Variants in PARG observed in about 807,000 individuals in gnomAD.
PARG encodes mitochondrial poly(ADP-ribose) glycohydrolase.
Under a neutral mutation model 113.0 loss-of-function variants are expected in PARG, and 35 were observed. That is an observed-to-expected ratio of 0.31 (90% CI 0.24 to 0.41). The LOEUF is 0.41. Ranked by LOEUF, PARG falls within the 10% of genes least tolerant of loss-of-function variation. The pLI, the probability that PARG is intolerant of heterozygous loss-of-function variation, is 1.00. For missense variants in PARG, 797 were observed against 1,169.4 expected, an observed-to-expected ratio of 0.68 and a Z score of 4.64; for synonymous variants, 330 against 409.9, an observed-to-expected ratio of 0.81 and a Z score of 2.36.
At chr10:49,822,391 T>G (rs929841706) in intron 16 of PARG, among the ~76,000 whole-genome samples, 3 of 152,196 alleles carry the variant, frequency 2.0e-5, no homozygotes, top group African/African-American at 4.8e-5. Flanking sequence ...TCTCAAGAAG[T>G]GCTTAATGCT....
At chr10:49,912,375 TAGTTTA>T (rs1837239551) in intron 7 of PARG, among the ~76,000 whole-genome samples, 1 of 151,448 alleles carries the variant, frequency 6.6e-6, no homozygotes, top group South Asian at 2.1e-4. Context: ...TAAGAACCCT[TAGTTTA>T]AGGCCGAGCG....
chr10:49,907,595 C>T (rs1459711104), intron 7 of PARG, among the ~76,000 whole-genome samples: 2 of 152,096 alleles, frequency 1.3e-5, no homozygotes, highest in South Asian at 2.1e-4. Context: ...AAAAATACTA[C>T]AATAGTCCTT....
intron 15 of PARG, among the ~76,000 whole-genome samples, chr10:49,834,044 A>G (rs1345592493): frequency 6.6e-6 from 1 of 152,184 alleles, no homozygotes; most frequent in Non-Finnish European, 1.5e-5. Context: ...GTAAATCCTG[A>G]CAGATATTAA....
chr10:49,856,111 A>C (rs1845972213), intron 13 of PARG, among the ~76,000 whole-genome samples: 1 of 151,778 alleles, frequency 6.6e-6, no homozygotes, highest in East Asian at 1.9e-4. Flanking sequence ...CACGTGACTA[A>C]ATTTCCCCCC....
At chr10:49,865,964 A>G (rs1321602494) in intron 10 of PARG, among the ~76,000 whole-genome samples, 2 of 148,380 alleles carry the variant, frequency 1.3e-5, no homozygotes, top group African/African-American at 5.0e-5. Flanking sequence ...CAATCACTCT[A>G]CTTGTTAGTA....
chr10:49,862,821 G>A (rs1846318491), intron 11 of PARG, among the ~76,000 whole-genome samples: 1 of 151,948 alleles, frequency 6.6e-6, no homozygotes, highest in African/African-American at 2.4e-5. Flanking sequence ...AGTATCGTAA[G>A]TTTGATATAT....
chr10:49,887,318 T>C (rs1847543778), intron 7 of PARG, among the ~76,000 whole-genome samples: 1 of 152,202 alleles, frequency 6.6e-6, no homozygotes, highest in Admixed American at 6.5e-5. Flanking sequence ...TATAACATAC[T>C]AAAAACCAGG....
At position 49,933,756 on chromosome 10, in the gene PARG, G is replaced by A; in HGVS notation, c.692C>T (p.Ala231Val). Reference sequence around the variant, plus strand: ...CTTGCTGCACTTCTGGTGGCTTTTGGCTTCTCTGGCCTGTTCATCTTCTGT... The same window carrying A: ...CTTGCTGCACTTCTGGTGGCTTTTGACTTCTCTGGCCTGTTCATCTTCTGT... ...QTTEDEQAREAKSHQKCSKSC... is the reference protein window; with the variant it reads ...QTTEDEQAREVKSHQKCSKSC... Residue 231 changes from alanine to valine, a missense_variant, in exon 3 of 18, where the codon GCC becomes GTC. This residue lies in a region of PARG where 284 missense variants were observed against 306.1 expected (regional missense o/e 0.93). Transcript: ENST00000616448. 1.9e-6 allele frequency: 3 copies of A among 1,613,300 alleles called. No individual in the cohort carries two copies. The highest frequency in any genetic ancestry group is 1.7e-6 in the Non-Finnish European group (2 of 1,179,358).
intron 15 of PARG, among the ~76,000 whole-genome samples, chr10:49,837,659 T>C (rs1845010522): frequency 6.6e-6 from 1 of 152,236 alleles, no homozygotes; most frequent in South Asian, 2.1e-4. Context: ...TCTGATTAAG[T>C]TGCCAATGAC....
At chr10:49,892,371 G>C (rs1301506296) in intron 7 of PARG, among the ~76,000 whole-genome samples, 1 of 152,062 alleles carries the variant, frequency 6.6e-6, no homozygotes, top group African/African-American at 2.4e-5. Context: ...CTTCTTCTGA[G>C]AACTTAGGTG....
At chr10:49,910,884 C>T (rs1279529387) in intron 7 of PARG, among the ~76,000 whole-genome samples, 2 of 151,990 alleles carry the variant, frequency 1.3e-5, no homozygotes, top group African/African-American at 4.8e-5. Context: ...AAGAAACCCC[C>T]TTAAAAATAC....
intron 7 of PARG, among the ~76,000 whole-genome samples, chr10:49,912,289 G>A (rs1461455764): frequency 2.6e-5 from 4 of 152,102 alleles, no homozygotes; most frequent in Non-Finnish European, 4.4e-5. Context: ...AATAGAGTGA[G>A]ATACTGTCTC....
At chr10:49,820,015 T>G in intron 17 of PARG, 150 bp downstream of exon 17, 1 of 597,400 alleles carries the variant, frequency 1.7e-6, no homozygotes. Flanking sequence ...ACTCTGCAAA[T>G]GCTGCCCCTC....
chr10:49,854,430 T>C (rs1432494589), intron 13 of PARG, among the ~76,000 whole-genome samples: 2 of 152,276 alleles, frequency 1.3e-5, no homozygotes, highest in East Asian at 3.9e-4. Context: ...GGGCAAACAA[T>C]AGGCTAACCA....
intron 7 of PARG, among the ~76,000 whole-genome samples, chr10:49,908,115 C>CT: frequency 6.6e-6 from 1 of 152,276 alleles, no homozygotes; most frequent in East Asian, 1.9e-4. Context: ...AATAACAACT[C>CT]TAACTTCATC....
intron 13 of PARG, among the ~76,000 whole-genome samples, chr10:49,856,377 A>G (rs2664626): frequency 0.51 from 71,619 of 139,550 alleles, 17,321 homozygotes; most frequent in African/African-American, 0.61. Flanking sequence ...ACGGGGTTTC[A>G]TCATGTTGGC....
At chr10:49,899,386 T>C (rs1182425033) in intron 7 of PARG, among the ~76,000 whole-genome samples, 1 of 152,128 alleles carries the variant, frequency 6.6e-6, no homozygotes, top group Non-Finnish European at 1.5e-5. Flanking sequence ...GGCTGACACT[T>C]TGAAGAGCAG....
At chr10:49,912,246 G>A (rs1204457226) in intron 7 of PARG, among the ~76,000 whole-genome samples, 1 of 152,164 alleles carries the variant, frequency 6.6e-6, no homozygotes, top group Non-Finnish European at 1.5e-5. Context: ...GTTACAATGA[G>A]CCGAGATCAT....
intron 4 of PARG, among the ~76,000 whole-genome samples, chr10:49,925,817 C>T (rs2132925235): frequency 6.6e-6 from 1 of 152,368 alleles, no homozygotes; most frequent in African/African-American, 2.4e-5. Context: ...GAATAATGCT[C>T]AAAATCCTAA....
Sources: allele counts gnomAD v4.1 joint callset (sites outside exome capture counted in the v4.1 genomes callset), GRCh38; gene constraint gnomAD v4.1.1; regional missense constraint gnomAD v4.1.1; transcripts MANE v1.5; gene names NCBI Gene and HGNC (gene_info 2026-07-23, HGNC 2026-07-21).